Variants in RIN2 observed in about 807,000 individuals in gnomAD.
RIN2 encodes RAB5 interacting protein 2.
A neutral mutation model predicts 78.0 loss-of-function variants in RIN2; 36 were observed. That is an observed-to-expected ratio of 0.46 (90% CI 0.35 to 0.61). The LOEUF (loss-of-function observed/expected upper bound fraction) is 0.61. Ranked by LOEUF, RIN2 falls within the 20% of genes least tolerant of loss-of-function variation. The probability of loss-of-function intolerance (pLI) is 0.00; values close to 1 mark genes in which losing one functional copy is unlikely to be tolerated. For missense variants in RIN2, 1,087 were observed against 1,159.7 expected, an observed-to-expected ratio of 0.94 and a Z score of 0.91; for synonymous variants, 466 against 466.8, an observed-to-expected ratio of 1.00 and a Z score of 0.02.
chr20:19,848,786 C>T (rs1693016255), intron 2 of RIN2, among the ~76,000 whole-genome samples: 1 of 152,050 alleles, frequency 6.6e-6, no homozygotes, highest in Non-Finnish European at 1.5e-5. Flanking sequence ...AAAACTACTG[C>T]CTCTAGGTTA....
intron 4 of RIN2, among the ~76,000 whole-genome samples, chr20:19,937,871 C>T (rs916927581): frequency 6.6e-6 from 1 of 152,230 alleles, no homozygotes; most frequent in African/African-American, 2.4e-5. Context: ...GACAAAATCA[C>T]AGGTCGTGAT....
Position 19,832,997 on chromosome 20 carries a change from T to C in RIN2, c.-37+33250T>C, listed in dbSNP as rs1374003856. Among the ~76,000 whole-genome samples, 6 of 152,250 alleles carry C rather than the reference T, an allele frequency of 3.9e-5. No homozygotes were observed. In the South Asian group the frequency reaches 1.2e-3, roughly 32 times the overall value. On this transcript the variant is annotated intron_variant, in intron 2 of 12. Coordinates refer to ENST00000255006, the MANE Select transcript of RIN2 (RefSeq NM_018993.4). The stretch of plus-strand genomic sequence containing the variant: ...GCAGCCCCTATGCTCCAGAGCCTAA[T>C]GAAATTATTCAAACCACCCACTCCT...
chr20:19,774,018 C>T (rs1165391027), intron 1 of RIN2, among the ~76,000 whole-genome samples: 3 of 151,954 alleles, frequency 2.0e-5, no homozygotes, highest in Non-Finnish European at 4.4e-5. Context: ...GACCTTGGAG[C>T]TTCCTGCATT....
At chr20:19,953,061 G>T (rs1045107446) in intron 4 of RIN2, among the ~76,000 whole-genome samples, 6 of 152,150 alleles carry the variant, frequency 3.9e-5, no homozygotes, top group African/African-American at 9.7e-5. Context: ...TGACTTTCAC[G>T]CAGGCTCTCA....
At chr20:19,793,181 ATTAATT>A (rs2034943179) in intron 1 of RIN2, among the ~76,000 whole-genome samples, 1 of 152,234 alleles carries the variant, frequency 6.6e-6, no homozygotes, top group African/African-American at 2.4e-5. Flanking sequence ...AATAGGTAAA[ATTAATT>A]TTAATAAGAT....
chr20:19,792,421 A>G (rs1195554712), intron 1 of RIN2, among the ~76,000 whole-genome samples: 2 of 152,234 alleles, frequency 1.3e-5, no homozygotes, highest in African/African-American at 4.8e-5. Context: ...CCGGGTCATC[A>G]GAGGGTATCA....
chr20:19,948,181 TCGCACAGACACA>T (rs57058195), intron 4 of RIN2, among the ~76,000 whole-genome samples: 13,607 of 152,048 alleles, frequency 0.089, 675 homozygotes, highest in Non-Finnish European at 0.1. Flanking sequence ...ACACAGCTGC[TCGCACAGACACA>T]CGGAAGGGAG....
chr20:19,790,158 AT>A (rs1862810106), intron 1 of RIN2, among the ~76,000 whole-genome samples: 2 of 152,016 alleles, frequency 1.3e-5, no homozygotes, highest in East Asian at 1.9e-4. Flanking sequence ...AGACTTATTC[AT>A]TTGTCTCTAG....
At chr20:19,874,910 G>C (rs1446596220) in intron 2 of RIN2, among the ~76,000 whole-genome samples, 1 of 151,702 alleles carries the variant, frequency 6.6e-6, no homozygotes, top group Non-Finnish European at 1.5e-5. Context: ...ACCCAGACTG[G>C]AGTGCAGTGG....
rs57943156 is a variant in RIN2, at chr20:19,770,873, A to AC, written c.-163+12558dup. 7.7e-3 allele frequency among the ~76,000 whole-genome samples: 879 copies of AC among 114,462 alleles called. 6 individuals carry two copies. The highest frequency in any genetic ancestry group is 0.014 in the Middle Eastern group (3 of 210). The allele number at this position is 114,462 out of a possible 152,430, so 75.1% of individuals were successfully genotyped here. The stretch of plus-strand genomic sequence containing the variant: ...GGCTGAGTCTCACAAGACTGCCCCC[A>AC]CCCCCCCCCCCCACCTTCCCACTAG... On this transcript the variant is annotated intron_variant, in intron 1 of 12. Coordinates refer to ENST00000255006, the MANE Select transcript of RIN2 (RefSeq NM_018993.4).
chr20:19,844,676 C>T (rs1285294666), intron 2 of RIN2, among the ~76,000 whole-genome samples: 1 of 67,594 alleles, frequency 1.5e-5, no homozygotes, highest in Non-Finnish European at 2.8e-5. Context: ...CTTCCTTCTT[C>T]TTCTTCTTCC....
chr20:19,970,947 G>C lies in RIN2; in HGVS notation c.628+18G>C. The stretch of plus-strand genomic sequence containing the variant: ...GGGACTAAGTAAGTGTGTGCCCCCT[G>C]CCTGAGTCTATCTAAAAATGAATCC... On this transcript the variant is annotated intron_variant, in intron 8 of 12. Coordinates refer to ENST00000255006, the MANE Select transcript of RIN2 (RefSeq NM_018993.4). The C allele has an allele frequency of 1.3e-6, 2 of 1,584,910 alleles. No individual in the cohort carries two copies. The highest frequency in any genetic ancestry group is 1.7e-6 in the Non-Finnish European group (2 of 1,157,692).
chr20:19,994,841 C>A (rs1055195510), intron 11 of RIN2, among the ~76,000 whole-genome samples: 1 of 152,128 alleles, frequency 6.6e-6, no homozygotes, highest in Admixed American at 6.5e-5. Context: ...ATTCAAAACT[C>A]TTAACTAGGG....
At chr20:19,947,883 G>A (rs2041156842) in intron 4 of RIN2, among the ~76,000 whole-genome samples, 1 of 152,250 alleles carries the variant, frequency 6.6e-6, no homozygotes, top group Admixed American at 6.5e-5. Flanking sequence ...GGCAAAGCAA[G>A]CAGGTGTTGC....
At chr20:19,845,767 A>T (rs951590406) in intron 2 of RIN2, among the ~76,000 whole-genome samples, 1 of 151,978 alleles carries the variant, frequency 6.6e-6, no homozygotes, top group African/African-American at 2.4e-5. Context: ...TTTTGTTGCC[A>T]TTGCTTTTGG....
chr20:19,789,352 G>C (rs926518757), intron 1 of RIN2, among the ~76,000 whole-genome samples: 1 of 152,148 alleles, frequency 6.6e-6, no homozygotes, highest in East Asian at 1.9e-4. Context: ...GTGAACTTGG[G>C]ATATGCGAAG....
intron 6 of RIN2, among the ~76,000 whole-genome samples, chr20:19,963,824 C>A (rs557688472): frequency 9.0e-4 from 133 of 148,484 alleles, no homozygotes; most frequent in African/African-American, 2.7e-3. Flanking sequence ...GGAAGATGTG[C>A]AGAATGCCAC....
At chr20:19,844,627 C>A (rs927935780) in intron 2 of RIN2, among the ~76,000 whole-genome samples, 7 of 125,102 alleles carry the variant, frequency 5.6e-5, no homozygotes, top group Middle Eastern at 3.7e-3. Flanking sequence ...TCTTCTTCTT[C>A]TTCTTCTTCT....
chr20:19,902,689 A>G (rs1417873424), intron 3 of RIN2, among the ~76,000 whole-genome samples: 1 of 152,228 alleles, frequency 6.6e-6, no homozygotes, highest in Non-Finnish European at 1.5e-5. Context: ...GATCTAGCAA[A>G]TAAAATATAC....
Sources: gnomAD v4.1 joint callset for allele counts (sites outside exome capture counted in the v4.1 genomes callset) on GRCh38, gnomAD v4.1.1 for gene constraint, MANE v1.5 for transcripts, NCBI Gene and HGNC (gene_info 2026-07-23, HGNC 2026-07-21) for gene names.